The following FRMD4A variants were observed in gnomAD, a reference collection of about 807,000 sequenced individuals.
FRMD4A encodes FERM domain-containing protein 4A.
FRMD4A carries 29 observed loss-of-function variants against 129.1 expected under a neutral mutation model. The observed-to-expected ratio is 0.22, with a 90% CI of 0.17 to 0.31. The LOEUF is 0.31. Among genes scored for constraint, FRMD4A ranks in the 10% least tolerant of loss-of-function variants. The pLI is 1.00. For synonymous variants in FRMD4A, 634 were observed against 571.6 expected (o/e 1.11, Z -1.56); for missense variants, 1,272 against 1,375.8 (o/e 0.92, Z 1.19).
intron 2 of FRMD4A, among the ~76,000 whole-genome samples, chr10:13,886,893 T>C (rs889008365): frequency 6.6e-6 from 1 of 152,126 alleles, no homozygotes; most frequent in African/African-American, 2.4e-5. Context: ...AAGCAAAACA[T>C]ACGCAGTAGC....
intron 2 of FRMD4A, among the ~76,000 whole-genome samples, chr10:14,109,211 G>GAA (rs34937254): frequency 7.0e-5 from 8 of 114,274 alleles, no homozygotes; most frequent in African/African-American, 1.9e-4. Flanking sequence ...AAGCATCTCA[G>GAA]AAAAAAAAAA....
intron 2 of FRMD4A, among the ~76,000 whole-genome samples, chr10:13,959,279 C>T (rs2095430616): frequency 6.6e-6 from 1 of 151,988 alleles, no homozygotes; most frequent in African/African-American, 2.4e-5. Context: ...TGAGACCAGC[C>T]TGACCAATAT....
At chr10:13,989,365 T>C (rs28368807) in intron 2 of FRMD4A, among the ~76,000 whole-genome samples, 22 of 152,190 alleles carry the variant, frequency 1.4e-4, no homozygotes, top group Non-Finnish European at 2.9e-4. Context: ...GATTTTTTTT[T>C]CTTTTTTTTG....
At chr10:13,685,561 A>C in intron 15 of FRMD4A, 2 of 985,248 alleles carry the variant, frequency 2.0e-6, no homozygotes, top group Non-Finnish European at 2.4e-6. Flanking sequence ...TGTGAATTTC[A>C]GTCATCCTCA....
intron 3 of FRMD4A, among the ~76,000 whole-genome samples, chr10:13,848,608 ACGTGTGTGTGTGTGTGTG>A (rs1260671152): frequency 1.4e-5 from 1 of 69,668 alleles, no homozygotes; most frequent in African/African-American, 5.0e-5. Flanking sequence ...GTGTGTGTGT[ACGTGTGTGTGTGTGTGTG>A]TGTGTGTGTG....
chr10:14,179,835 A>T lies in FRMD4A; in HGVS notation c.45+150223T>A, dbSNP rs71479865. Among the ~76,000 whole-genome samples, 232 of 152,348 alleles carry T rather than the reference A, an allele frequency of 1.5e-3. 2 individuals are homozygous for T. The highest frequency in any genetic ancestry group is 6.9e-3 in the Admixed American group (105 of 15,308). The stretch of plus-strand genomic sequence containing the variant: ...GATCACTTGAGTTCAGGAATTCAAG[A>T]TCAGCCTGATCAATATGACAAAACC... On this transcript the variant is annotated intron_variant, in intron 2 of 24. Transcript: ENST00000357447.
At chr10:14,125,408 G>A (rs1438596072) in intron 2 of FRMD4A, among the ~76,000 whole-genome samples, 2 of 152,120 alleles carry the variant, frequency 1.3e-5, no homozygotes, top group East Asian at 1.9e-4. Flanking sequence ...AGGATGACAA[G>A]CCTCCTTCCA....
At chr10:14,308,919 G>A (rs1310511403) in intron 2 of FRMD4A, among the ~76,000 whole-genome samples, 3 of 152,154 alleles carry the variant, frequency 2.0e-5, no homozygotes, top group East Asian at 1.9e-4. Flanking sequence ...TACGGGGAAC[G>A]ACTATGAAAA....
intron 5 of FRMD4A, among the ~76,000 whole-genome samples, chr10:13,793,193 A>C (rs1234474956): frequency 5.8e-5 from 8 of 137,914 alleles, no homozygotes; most frequent in Non-Finnish European, 1.2e-4. Flanking sequence ...TTTTTGTGAG[A>C]TGGGGTCTTG....
At chr10:13,875,474 G>C (rs1191583405) in intron 2 of FRMD4A, among the ~76,000 whole-genome samples, 1 of 152,186 alleles carries the variant, frequency 6.6e-6, no homozygotes, top group Non-Finnish European at 1.5e-5. Flanking sequence ...AAGAGGTTCG[G>C]ATGGTAGCTT....
intron 2 of FRMD4A, among the ~76,000 whole-genome samples, chr10:13,958,126 G>A (rs1209747572): frequency 6.6e-6 from 1 of 151,958 alleles, no homozygotes; most frequent in Admixed American, 6.6e-5. Flanking sequence ...ACTTAGGCGA[G>A]TGATTTACCT....
rs186088092 is a variant in FRMD4A at position 13,714,216 on chromosome 10, A to G, written c.760-7103T>C. The stretch of plus-strand genomic sequence containing the variant: ...TAGCTGGGATTACAGGCTCCCACCA[A>G]CATGCCCAGTTAATTTTTGTATTTT... On this transcript the variant is annotated intron_variant, in intron 12 of 24. Transcript: ENST00000357447. Among the ~76,000 whole-genome samples, 269 of 149,932 alleles carry G rather than the reference A, an allele frequency of 1.8e-3. 1 individual carries two copies. Among genetic ancestry groups the G allele is most frequent in the African/African-American group, 6.2e-3 (255 of 40,818 alleles).
chr10:13,860,258 T>C (rs2094275733), intron 2 of FRMD4A, among the ~76,000 whole-genome samples: 1 of 152,224 alleles, frequency 6.6e-6, no homozygotes, highest in African/African-American at 2.4e-5. Flanking sequence ...CTCAAGCTCA[T>C]AGAAAACAGT....
intron 3 of FRMD4A, among the ~76,000 whole-genome samples, chr10:13,842,624 G>A (rs905625736): frequency 1.3e-5 from 2 of 152,364 alleles, no homozygotes; most frequent in Middle Eastern, 3.4e-3. Flanking sequence ...CACAAAGTGC[G>A]AGCTTTTCCC....
chr10:14,081,106 G>C (rs1186084945), intron 2 of FRMD4A, among the ~76,000 whole-genome samples: 3 of 152,024 alleles, frequency 2.0e-5, no homozygotes, highest in Admixed American at 6.6e-5. Flanking sequence ...CTCCTAGTCA[G>C]AGTCCTTTCT....
chr10:14,281,211 C>T (rs796920089), intron 2 of FRMD4A, among the ~76,000 whole-genome samples: 6 of 151,992 alleles, frequency 3.9e-5, no homozygotes, highest in African/African-American at 1.5e-4. Context: ...AGCCTGGTCT[C>T]GAGCTCCTGA....
Position 13,666,252 on chromosome 10 carries a change from G to T in FRMD4A, c.1448C>A (p.Ala483Asp). 3 of 1,614,052 alleles carry T rather than the reference G, an allele frequency of 1.9e-6. No individual in the cohort carries two copies. The highest frequency in any genetic ancestry group is 1.7e-6 in the Non-Finnish European group (2 of 1,179,930). ...TTTTTTGCTGACGTTGGGGTCACTG[G>T]CTAGGCGGCGGGCGGCCTCCGTAAT... ...SQITEAARRL[A>D]SDPNVSKKLK... The change falls in exon 18 of 25, where the codon GCC becomes GAC. Residue 483 changes from alanine (A) to aspartate (D), a missense_variant. By Grantham distance (126) the Ala-to-Asp change is moderately radical. Around this residue, in one of 2 missense-constraint regions of FRMD4A, gnomAD observed 972 missense variants for 892.3 expected, o/e 1.09. Coordinates refer to ENST00000357447, the MANE Select transcript of FRMD4A (RefSeq NM_018027.5).
At chr10:13,997,386 G>A (rs2095626378) in intron 2 of FRMD4A, among the ~76,000 whole-genome samples, 1 of 152,056 alleles carries the variant, frequency 6.6e-6, no homozygotes, top group African/African-American at 2.4e-5. Context: ...AGTAAAAATT[G>A]TTCTAAGAGT....
chr10:13,670,329 GA>G (rs2083412199), intron 17 of FRMD4A, 76 bp downstream of exon 17: 3 of 1,485,008 alleles, frequency 2.0e-6, no homozygotes, highest in Non-Finnish European at 2.8e-6. Flanking sequence ...AATTGGTACA[GA>G]AAACCTGGAA....
Sources: allele counts gnomAD v4.1 joint callset (sites outside exome capture counted in the v4.1 genomes callset), GRCh38; gene constraint gnomAD v4.1.1; regional missense constraint gnomAD v4.1.1; transcripts MANE v1.5; gene names NCBI Gene and HGNC (gene_info 2026-07-23, HGNC 2026-07-21).